The following MRPL35 variants were observed in gnomAD, a reference collection of about 807,000 sequenced individuals.
MRPL35 encodes the protein mitochondrial ribosomal protein L35.
In MRPL35, 18 loss-of-function variants were observed where a neutral mutation model predicts 21.6. That is an observed-to-expected ratio of 0.83 (90% confidence interval 0.58 to 1.24). The LOEUF (loss-of-function observed/expected upper bound fraction) is 1.24. Ranked by LOEUF, MRPL35 falls within the 50% of genes most tolerant of loss-of-function variation. The pLI, the probability that MRPL35 is intolerant of heterozygous loss-of-function variation, is 0.00. For missense variants in MRPL35, 223 were observed against 223.2 expected (o/e 1.00, Z 0.01); for synonymous variants, 87 against 86.9 (o/e 1.00, Z -0.01).
intron 3 of MRPL35, among the ~76,000 whole-genome samples, chr2:86,207,748 C>T (rs1362302079): frequency 2.0e-5 from 3 of 152,188 alleles, no homozygotes; most frequent in Non-Finnish European, 4.4e-5. Flanking sequence ...CCAAGGCGGG[C>T]AGAACACTTG....
At chr2:86,205,928 A>C (rs1262504228) in intron 1 of MRPL35, among the ~76,000 whole-genome samples, 178 bp from the exon 2 acceptor site, 6 of 152,228 alleles carry the variant, frequency 3.9e-5, no homozygotes, top group Admixed American at 1.3e-4. Flanking sequence ...TATATACATA[A>C]AATCAGTAAT....
In MRPL35 at chr2:86,206,153, T is replaced by C. The variant is rs768610882; in HGVS notation, c.91T>C (p.Cys31Arg). The C allele has an allele frequency of 2.5e-6, 4 of 1,614,056 alleles. No individual in the cohort carries two copies. The highest frequency in any genetic ancestry group is 3.4e-6 in the Non-Finnish European group (4 of 1,179,914). ...TTTGGCATCTTCAACCTACCGCAAC[T>C]GTGTCAAGAATGCCTCTCTTATTTC... ...NILASSTYRN[C>R]VKNASLISAL... The change falls in exon 2 of 4, where the codon TGT (cysteine) becomes CGT (arginine). Residue 31 changes from cysteine to arginine, a missense_variant. By Grantham distance (180) the Cys-to-Arg change is radical. Transcript: ENST00000337109.
chr2:86,208,627 C>G (rs965187543), intron 3 of MRPL35, among the ~76,000 whole-genome samples: 1 of 152,186 alleles, frequency 6.6e-6, no homozygotes. Context: ...GTTTTTATAC[C>G]AGTTATTTCC....
intron 2 of MRPL35, among the ~76,000 whole-genome samples, chr2:86,206,737 T>C (rs549013959): frequency 9.9e-4 from 151 of 152,262 alleles, no homozygotes; most frequent in African/African-American, 3.6e-3. Context: ...CTTTCCTGCA[T>C]GGAGGCTGTC....
rs2103917318 is a variant in MRPL35 at position 86,210,723 on chromosome 2, C to A, written c.*55C>A. ...TGGATATGTATCTTTGTGTACATATCTTTGCAAAAATGGATAAGTACAAAA... is the reference window on the plus strand; with the variant it reads ...TGGATATGTATCTTTGTGTACATATATTTGCAAAAATGGATAAGTACAAAA... On this transcript the variant is annotated 3_prime_UTR_variant, in exon 4 of 4. Coordinates refer to ENST00000337109, the MANE Select transcript of MRPL35 (RefSeq NM_016622.4). 1 of 1,509,938 alleles carries A rather than the reference C, an allele frequency of 6.6e-7. No individual in the cohort carries two copies. Among genetic ancestry groups the A allele is most frequent in the South Asian group, 1.4e-5 (1 of 72,838 alleles). The allele number at this position is 1,509,938 out of a possible 1,614,324, so 93.5% of individuals were successfully genotyped here.
At chr2:86,207,151 T>A (rs1285875443) in intron 2 of MRPL35, 32 bp from the exon 3 acceptor site, 1 of 1,544,972 alleles carries the variant, frequency 6.5e-7, no homozygotes, top group Non-Finnish European at 8.7e-7. Flanking sequence ...TCAGTCTGAT[T>A]ACAAGCTAAA....
chr2:86,200,586 T>G (rs1232867658), intron 1 of MRPL35, among the ~76,000 whole-genome samples: 1 of 152,260 alleles, frequency 6.6e-6, no homozygotes, highest in Non-Finnish European at 1.5e-5. Flanking sequence ...CATGAATTGG[T>G]TCATACAGTA....
intron 1 of MRPL35, among the ~76,000 whole-genome samples, chr2:86,200,701 G>A (rs191126247): frequency 2.7e-5 from 4 of 149,494 alleles, no homozygotes; most frequent in Admixed American, 6.6e-5. Context: ...TTTTTGAGAC[G>A]GAGTTTCTCT....
rs1673931462 is a variant in MRPL35, at chr2:86,212,682, C to G, written c.*2014C>G. On this transcript the variant is annotated 3_prime_UTR_variant, in exon 4 of 4. Transcript: ENST00000337109. Reference sequence around the variant, plus strand: ...AGATAAGGACTGGCAACCAGAGCCTCAGCATCCAAAGATGGACTGAAGTGG... The same window carrying G: ...AGATAAGGACTGGCAACCAGAGCCTGAGCATCCAAAGATGGACTGAAGTGG... 3 of 1,232,340 alleles carry G rather than the reference C, an allele frequency of 2.4e-6. No homozygotes were observed. In the East Asian group the frequency reaches 9.9e-5, roughly 41 times the overall value. The allele number at this position is 1,232,340 out of a possible 1,614,324, so 76.3% of individuals were successfully genotyped here. A position where few individuals can be genotyped will look rare whatever the true frequency, so the allele number is the denominator to read the frequency against.
Position 86,213,473 on chromosome 2 carries a change from A to G in MRPL35, c.*2805A>G. ...AATACAGGACTAAAAATGCAAAGAA[A>G]TTGGGTCTGTGTTTAATTTTGATGT... On this transcript the variant is annotated 3_prime_UTR_variant, in exon 4 of 4. Coordinates refer to ENST00000337109, the MANE Select transcript of MRPL35 (RefSeq NM_016622.4). The G allele has an allele frequency of 7.5e-7, 1 of 1,336,668 alleles. No individual in the cohort carries two copies. The highest frequency in any genetic ancestry group is 9.7e-7 in the Non-Finnish European group (1 of 1,035,358). 82.8% of individuals were successfully genotyped at this position (1,336,668 alleles called of 1,614,324 possible).
intron 2 of MRPL35, among the ~76,000 whole-genome samples, chr2:86,206,675 G>T (rs951904709): frequency 6.6e-6 from 1 of 152,134 alleles, no homozygotes; most frequent in African/African-American, 2.4e-5. Context: ...GTATCTAGGC[G>T]CCTGCAGCAG....
chr2:86,210,937 A>T lies in MRPL35; in HGVS notation c.*269A>T, dbSNP rs1376191045. 1 of 1,074,950 alleles carries T rather than the reference A, an allele frequency of 9.3e-7. No individual in the cohort carries two copies. Among genetic ancestry groups the T allele is most frequent in the East Asian group, 5.9e-5 (1 of 17,032 alleles). The allele number at this position is 1,074,950 out of a possible 1,614,324, so 66.6% of individuals were successfully genotyped here. On this transcript the variant is annotated 3_prime_UTR_variant, in exon 4 of 4. Transcript: ENST00000337109. ...TTTCAGTTATGCTCTTTTAGTTGCA[A>T]GGAATCTCAAGTGGGACAAACATAA... is the stretch of plus-strand genomic sequence containing the variant.
intron 1 of MRPL35, among the ~76,000 whole-genome samples, chr2:86,203,080 C>CTTT (rs35289845): frequency 6.1e-5 from 8 of 132,036 alleles, no homozygotes; most frequent in South Asian, 2.5e-4. Flanking sequence ...GTGGGAAATT[C>CTTT]TTTTTTTTTT....
In MRPL35 at chr2:86,212,380, A is replaced by C; in HGVS notation, c.*1712A>C. 6.2e-7 allele frequency: 1 copy of C among 1,613,668 alleles called. No homozygotes were observed. Among genetic ancestry groups the C allele is most frequent in the Non-Finnish European group, 8.5e-7 (1 of 1,179,826 alleles). Reference sequence around the variant, plus strand: ...GGTGAGGTAAAAGCCTGAAACATGGAATGGCATTCTGTTTTGATGGATTTT... The same window carrying C: ...GGTGAGGTAAAAGCCTGAAACATGGCATGGCATTCTGTTTTGATGGATTTT... On this transcript the variant is annotated 3_prime_UTR_variant, in exon 4 of 4. Coordinates refer to ENST00000337109, the MANE Select transcript of MRPL35 (RefSeq NM_016622.4).
intron 3 of MRPL35, among the ~76,000 whole-genome samples, chr2:86,208,293 G>T (rs988253649): frequency 1.7e-4 from 26 of 151,328 alleles, no homozygotes; most frequent in Non-Finnish European, 3.4e-4. Context: ...CTTCCCTTTT[G>T]TGTGTATGTG....
At chr2:86,209,224 T>C (rs1001543472) in intron 3 of MRPL35, among the ~76,000 whole-genome samples, 1 of 152,236 alleles carries the variant, frequency 6.6e-6, no homozygotes, top group Non-Finnish European at 1.5e-5. Flanking sequence ...AACTCTTAAA[T>C]AACCTTTCCT....
At position 86,211,386 on chromosome 2, in the gene MRPL35, G is replaced by C. The variant is rs766931412; in HGVS notation, c.*718G>C. ...CTAGGTCTGGTTGGGTCATTGTCTA[G>C]AGTAGGGATTGGCTGTCCTTAAGTC... On this transcript the variant is annotated 3_prime_UTR_variant, in exon 4 of 4. Coordinates refer to ENST00000337109, the MANE Select transcript of MRPL35 (RefSeq NM_016622.4). 2.8e-5 allele frequency: 28 copies of C among 984,598 alleles called. No individual in the cohort carries two copies. The highest frequency in any genetic ancestry group is 3.4e-5 in the Non-Finnish European group (28 of 829,192). 61.0% of individuals were successfully genotyped at this position (984,598 alleles called of 1,614,324 possible). A position where few individuals can be genotyped will look rare whatever the true frequency, so the allele number is the denominator to read the frequency against.
intron 1 of MRPL35, among the ~76,000 whole-genome samples, chr2:86,204,226 C>T (rs1038083633): frequency 2.0e-5 from 3 of 151,982 alleles, no homozygotes; most frequent in Non-Finnish European, 4.4e-5. Context: ...TCAGGTGATC[C>T]GCCTGCCTCG....
chr2:86,212,286 C>G lies in MRPL35; in HGVS notation c.*1618C>G, dbSNP rs1367079727. The G allele has an allele frequency of 6.7e-7, 1 of 1,488,644 alleles. No homozygotes were observed. Among genetic ancestry groups the G allele is most frequent in the African/African-American group, 1.4e-5 (1 of 70,860 alleles). The allele number at this position is 1,488,644 out of a possible 1,614,324, so 92.2% of individuals were successfully genotyped here. On this transcript the variant is annotated 3_prime_UTR_variant, in exon 4 of 4. Coordinates refer to ENST00000337109, the MANE Select transcript of MRPL35 (RefSeq NM_016622.4). ...GGAGAAAGGATAACAATAGAATGTTCTAAAACCAGAAGTCCAAGTGCGTGT... is the reference window on the plus strand; with the variant it reads ...GGAGAAAGGATAACAATAGAATGTTGTAAAACCAGAAGTCCAAGTGCGTGT...
Sources: allele counts gnomAD v4.1 joint callset (sites outside exome capture counted in the v4.1 genomes callset), GRCh38; gene constraint gnomAD v4.1.1; transcripts MANE v1.5; gene names NCBI Gene and HGNC (gene_info 2026-07-23, HGNC 2026-07-21).